RABGAP1L: variants seen among roughly 807,000 people sequenced by gnomAD.
RABGAP1L encodes RAB GTPase activating protein 1 like, also known as rab GTPase-activating protein 1-like.
Under a neutral mutation model 137.7 loss-of-function variants are expected in RABGAP1L, and 63 were observed. The ratio of observed to expected loss-of-function variants is 0.46; its 90% CI spans 0.37 to 0.56. The LOEUF is 0.56. Among genes scored for constraint, RABGAP1L ranks in the 20% least tolerant of loss-of-function variants. RABGAP1L has a pLI of 0.00. For missense variants in RABGAP1L, 1,095 were observed against 1,244.0 expected (o/e 0.88, Z 1.80); for synonymous variants, 431 against 433.7 (o/e 0.99, Z 0.08).
chr1:174,785,960 T>G (rs1375346198), intron 18 of RABGAP1L, among the ~76,000 whole-genome samples: 1 of 152,210 alleles, frequency 6.6e-6, no homozygotes, highest in African/African-American at 2.4e-5. Context: ...AAAAAAAGTA[T>G]GTAAATATGT....
At chr1:174,246,525 T>C (rs1207073139) in intron 5 of RABGAP1L, among the ~76,000 whole-genome samples, 2 of 152,224 alleles carry the variant, frequency 1.3e-5, no homozygotes, top group African/African-American at 4.8e-5. Context: ...TAAAAATGTA[T>C]GGTTTCATCT....
chr1:174,857,175 A>G (rs1448115207), intron 19 of RABGAP1L, among the ~76,000 whole-genome samples: 2 of 152,172 alleles, frequency 1.3e-5, no homozygotes, highest in African/African-American at 4.8e-5. Context: ...ACTTCCCTTG[A>G]TAGGAAGTAC....
intron 19 of RABGAP1L, among the ~76,000 whole-genome samples, chr1:174,826,067 C>T (rs1252320030): frequency 1.3e-5 from 2 of 152,118 alleles, no homozygotes; most frequent in African/African-American, 4.8e-5. Flanking sequence ...TCAAATAGTC[C>T]TGAGTATCTG....
chr1:174,929,345 A>G (rs1039914087), intron 19 of RABGAP1L, among the ~76,000 whole-genome samples: 1 of 152,190 alleles, frequency 6.6e-6, no homozygotes, highest in African/African-American at 2.4e-5. Context: ...CTCCTGGTTT[A>G]TTTACTACTG....
In RABGAP1L at chr1:174,285,884, T is replaced by C. The variant is rs147421029; in HGVS notation, c.1323+7105T>C. Among the ~76,000 whole-genome samples the C allele has an allele frequency of 3.8e-3, 578 of 152,276 alleles. 4 individuals are homozygous for C. The highest frequency in any genetic ancestry group is 0.012 in the African/African-American group (498 of 41,560). On this transcript the variant is annotated intron_variant, in intron 10 of 25. Transcript: ENST00000681986. ...GTTTTATTAATGTGGTTTATCACAT[T>C]TATTGATTTGTGTACGGTGAATCAT...
intron 13 of RABGAP1L, among the ~76,000 whole-genome samples, chr1:174,477,470 G>A (rs1658621269): frequency 6.6e-6 from 1 of 152,150 alleles, no homozygotes; most frequent in African/African-American, 2.4e-5. Flanking sequence ...AGGAAAGGAA[G>A]TAGAGAAAAT....
At chr1:174,438,742 G>GTATATATATATATA (rs1468934527) in intron 13 of RABGAP1L, among the ~76,000 whole-genome samples, 4 of 65,798 alleles carry the variant, frequency 6.1e-5, no homozygotes, top group African/African-American at 4.2e-4. Context: ...AAGTGTGTGT[G>GTATATATATATATA]TGTATATATA....
intron 14 of RABGAP1L, among the ~76,000 whole-genome samples, chr1:174,662,002 T>C (rs1407484573): frequency 1.3e-5 from 2 of 152,204 alleles, no homozygotes; most frequent in Admixed American, 1.3e-4. Context: ...CTGTGCTTTT[T>C]AATTATTATT....
At position 174,448,452 on chromosome 1, in the gene RABGAP1L, G is replaced by A; in HGVS notation, c.1710+54307G>A. 1 of 1,613,792 alleles carries A rather than the reference G, an allele frequency of 6.2e-7. No individual in the cohort carries two copies. On this transcript the variant is annotated intron_variant, in intron 13 of 25. Transcript: ENST00000681986. The surrounding 1 kb of genome is among the most constrained non-coding windows in gnomAD (Gnocchi z 4.2). The stretch of plus-strand genomic sequence containing the variant: ...ACAGGTGTCCACGAGTCATTGACTT[G>A]CCAGGTTTTTGGATATATCATCTCA...
chr1:174,281,663 G>A (rs1169157660), intron 10 of RABGAP1L, among the ~76,000 whole-genome samples: 1 of 152,218 alleles, frequency 6.6e-6, no homozygotes, highest in Non-Finnish European at 1.5e-5. Context: ...ATGATGAAAG[G>A]CAAGTAGGCC....
intron 19 of RABGAP1L, among the ~76,000 whole-genome samples, chr1:174,926,425 T>C (rs1020123890): frequency 2.0e-5 from 3 of 152,192 alleles, no homozygotes; most frequent in Non-Finnish European, 4.4e-5. Context: ...ATTTAAACCC[T>C]CTTTTATGTT....
chr1:174,291,092 A>T (rs1399434103), intron 10 of RABGAP1L, among the ~76,000 whole-genome samples: 1 of 152,102 alleles, frequency 6.6e-6, no homozygotes, highest in African/African-American at 2.4e-5. Context: ...TCTATATATT[A>T]TCATGTTGTC....
chr1:174,180,905 C>T (rs552970407), intron 1 of RABGAP1L, among the ~76,000 whole-genome samples: 1 of 152,106 alleles, frequency 6.6e-6, no homozygotes, highest in Admixed American at 6.5e-5. Flanking sequence ...CACTCTGTGC[C>T]TGGTACTTGT....
chr1:174,371,053 G>A lies in RABGAP1L; in HGVS notation c.1540G>A (p.Gly514Arg). 4 of 1,496,958 alleles carry A rather than the reference G, an allele frequency of 2.7e-6. No individual in the cohort carries two copies. Among genetic ancestry groups the A allele is most frequent in the Non-Finnish European group, 3.6e-6 (4 of 1,103,322 alleles). 92.7% of individuals were successfully genotyped at this position (1,496,958 alleles called of 1,614,324 possible). A position where few individuals can be genotyped will look rare whatever the true frequency, so the allele number is the denominator to read the frequency against. The part of the protein sequence containing the change: ...DCPEKILYSW[G>R]ELLGKWHSNL... The stretch of plus-strand genomic sequence containing the variant: ...TCCTGAGAAGATCCTGTATTCTTGG[G>A]GAGAGTTGCTAGGAAAATGGTAAAA... The change falls in exon 12 of 26, where the codon GGA becomes AGA. Residue 514 changes from glycine (G) to arginine (R), a missense_variant. Gly to Arg is a moderately radical substitution (Grantham distance 125). Coordinates refer to ENST00000681986, the MANE Select transcript of RABGAP1L (RefSeq NM_001366446.1).
intron 17 of RABGAP1L, among the ~76,000 whole-genome samples, chr1:174,727,891 G>T (rs1228598711): frequency 6.6e-6 from 1 of 152,148 alleles, no homozygotes; most frequent in Non-Finnish European, 1.5e-5. Flanking sequence ...GTAATCTCAT[G>T]TGCCAGTCAT....
At chr1:174,176,711 C>CA (rs1558005321) in intron 1 of RABGAP1L, among the ~76,000 whole-genome samples, 4 of 10,610 alleles carry the variant, frequency 3.8e-4, no homozygotes, top group Non-Finnish European at 5.9e-4. Context: ...GACCCTTTTT[C>CA]AGAAAAAAAA....
At chr1:174,679,884 C>G (rs1385703001) in intron 14 of RABGAP1L, among the ~76,000 whole-genome samples, 1 of 152,102 alleles carries the variant, frequency 6.6e-6, no homozygotes, top group Non-Finnish European at 1.5e-5. Context: ...TGCAAAAGAT[C>G]TAAGTTGTAG....
At chr1:174,683,456 G>A in intron 14 of RABGAP1L, 66 bp from the exon 15 acceptor site, 5 of 1,311,962 alleles carry the variant, frequency 3.8e-6, no homozygotes, top group Non-Finnish European at 5.4e-6. Context: ...AGCCTGGTAT[G>A]AGCTAACATT....
intron 4 of RABGAP1L, among the ~76,000 whole-genome samples, chr1:174,236,012 G>A (rs1671130856): frequency 1.5e-5 from 1 of 67,514 alleles, no homozygotes; most frequent in Non-Finnish European, 2.5e-5. Flanking sequence ...TGTATGTGTC[G>A]AGGAATGTAT....
Sources: gnomAD v4.1 joint callset for allele counts (sites outside exome capture counted in the v4.1 genomes callset) on GRCh38, gnomAD v4.1.1 for gene constraint, Gnocchi (gnomAD v3.1) non-coding constraint, MANE v1.5 for transcripts, NCBI Gene and HGNC (gene_info 2026-07-23, HGNC 2026-07-21) for gene names.